Variants in DLGAP2 observed in about 807,000 individuals in gnomAD.
The protein encoded by DLGAP2 is disks large-associated protein 2.
Under a neutral mutation model 100.3 loss-of-function variants are expected in DLGAP2, and 26 were observed. The observed-to-expected ratio is 0.26, with a 90% CI of 0.19 to 0.36. The LOEUF is 0.36. Ranked by LOEUF, DLGAP2 falls within the 10% of genes least tolerant of loss-of-function variation. The pLI is 1.00. For missense variants in DLGAP2, 1,858 were observed against 1,453.2 expected, an observed-to-expected ratio of 1.28 and a Z score of -4.53; for synonymous variants, 886 against 630.1, an observed-to-expected ratio of 1.41 and a Z score of -6.08.
chr8:999,058 CTGTGCCTA>C (rs1800866883), intron 2 of DLGAP2, among the ~76,000 whole-genome samples: 1 of 152,192 alleles, frequency 6.6e-6, no homozygotes, highest in Non-Finnish European at 1.5e-5. Flanking sequence ...TTCCTCCATG[CTGTGCCTA>C]TGTGATTGAT....
intron 2 of DLGAP2, among the ~76,000 whole-genome samples, chr8:997,272 A>G (rs1011913707): frequency 6.6e-6 from 1 of 152,260 alleles, no homozygotes; most frequent in Non-Finnish European, 1.5e-5. Flanking sequence ...GAATTAAAAT[A>G]TTGAAATTAA....
intron 2 of DLGAP2, among the ~76,000 whole-genome samples, chr8:1,193,944 T>C (rs1163091072): frequency 2.0e-5 from 3 of 152,110 alleles, no homozygotes; most frequent in Non-Finnish European, 4.4e-5. Context: ...CTCAGTAATT[T>C]AAGGTCTTTG....
chr8:860,091 A>T (rs1797360838), intron 1 of DLGAP2, among the ~76,000 whole-genome samples: 1 of 152,236 alleles, frequency 6.6e-6, no homozygotes, highest in African/African-American at 2.4e-5. Context: ...AATTAAAGAA[A>T]TAAGAAGGAT....
At chr8:994,752 G>A (rs913856028) in intron 2 of DLGAP2, among the ~76,000 whole-genome samples, 3 of 152,170 alleles carry the variant, frequency 2.0e-5, no homozygotes, top group Non-Finnish European at 4.4e-5. Flanking sequence ...AATAGTTACA[G>A]GTCAGACCTG....
chr8:1,504,854 T>C (rs1478821062), intron 4 of DLGAP2, among the ~76,000 whole-genome samples: 1 of 152,202 alleles, frequency 6.6e-6, no homozygotes, highest in Admixed American at 6.5e-5. Context: ...AGATACCCCT[T>C]CCACACATCC....
At chr8:1,682,290 A>G (rs904521045) in intron 12 of DLGAP2, among the ~76,000 whole-genome samples, 3 of 152,200 alleles carry the variant, frequency 2.0e-5, no homozygotes, top group South Asian at 4.1e-4. Context: ...TCTCAAACCA[A>G]GAATGAAAGT....
intron 3 of DLGAP2, among the ~76,000 whole-genome samples, chr8:1,487,261 C>T (rs931639065): frequency 6.6e-6 from 1 of 152,046 alleles, no homozygotes; most frequent in South Asian, 2.1e-4. Context: ...TATTAATACC[C>T]AGAGTGGAAT....
At position 1,624,239 on chromosome 8, in the gene DLGAP2, C is replaced by T. The variant is rs529474437; in HGVS notation, c.1443-2501C>T. 5.9e-4 allele frequency among the ~76,000 whole-genome samples: 90 copies of T among 152,128 alleles called. 1 individual carries two copies. Among genetic ancestry groups the T allele is most frequent in the African/African-American group, 2.0e-3 (82 of 41,482 alleles). On this transcript the variant is annotated intron_variant, in intron 6 of 14. Coordinates refer to ENST00000637795, the MANE Select transcript of DLGAP2 (RefSeq NM_001346810.2). Reference sequence around the variant, plus strand: ...AAAATTGGTAATTGGTAGAAAGTGCCGATTGGTAGAAATGGAGGGTATGAA... The same window carrying T: ...AAAATTGGTAATTGGTAGAAAGTGCTGATTGGTAGAAATGGAGGGTATGAA...
chr8:811,892 T>A (rs7011512), intron 1 of DLGAP2, among the ~76,000 whole-genome samples: 33,170 of 152,264 alleles, frequency 0.22, 4,155 homozygotes, highest in African/African-American at 0.35. Flanking sequence ...TTTGCCTTCC[T>A]GGGAGCCAGT....
At chr8:980,871 G>A (rs891551000) in intron 2 of DLGAP2, among the ~76,000 whole-genome samples, 6 of 152,126 alleles carry the variant, frequency 3.9e-5, no homozygotes, top group Non-Finnish European at 7.4e-5. Context: ...ACACAGGAAC[G>A]CCTGGAATTC....
chr8:798,366 G>T (rs564436366), intron 1 of DLGAP2, among the ~76,000 whole-genome samples: 1 of 148,040 alleles, frequency 6.8e-6, no homozygotes, highest in African/African-American at 2.5e-5. Flanking sequence ...CTGCAGCCCC[G>T]TGCCCCGGTG....
Position 1,430,428 on chromosome 8 carries a change from G to T in DLGAP2, c.107-70938G>T, listed in dbSNP as rs75386919. ...GTCATGCTGATGTTTCTTCAAGGTC[G>T]GTTTGATCAAATCACATTAGGCAAA... On this transcript the variant is annotated intron_variant, in intron 3 of 14. Coordinates refer to ENST00000637795, the MANE Select transcript of DLGAP2 (RefSeq NM_001346810.2). 5.7e-3 allele frequency among the ~76,000 whole-genome samples: 861 copies of T among 152,188 alleles called. 5 individuals are homozygous for T. The highest frequency in any genetic ancestry group is 9.7e-3 in the Non-Finnish European group (660 of 68,024).
chr8:1,178,354 G>T (rs891671505), intron 2 of DLGAP2, among the ~76,000 whole-genome samples: 2 of 152,138 alleles, frequency 1.3e-5, no homozygotes, highest in African/African-American at 4.8e-5. Flanking sequence ...TTGCGGAGGG[G>T]CGGCAGCAGT....
intron 1 of DLGAP2, among the ~76,000 whole-genome samples, chr8:808,066 AT>A (rs1386341351): frequency 2.0e-5 from 3 of 151,890 alleles, no homozygotes; most frequent in African/African-American, 7.3e-5. Context: ...GATTTGGATA[AT>A]TTTACGCTCA....
At chr8:1,048,826 G>A (rs905006585) in intron 2 of DLGAP2, among the ~76,000 whole-genome samples, 6 of 151,950 alleles carry the variant, frequency 3.9e-5, no homozygotes, top group South Asian at 2.1e-4. Context: ...ATGAGTAGCC[G>A]GGATTGCATA....
intron 2 of DLGAP2, among the ~76,000 whole-genome samples, chr8:1,149,455 C>T (rs1223501946): frequency 6.6e-6 from 1 of 152,122 alleles, no homozygotes; most frequent in African/African-American, 2.4e-5. Context: ...CCTGAAATTA[C>T]CCTCTTTATC....
chr8:799,964 C>T (rs905584521), intron 1 of DLGAP2, among the ~76,000 whole-genome samples: 2 of 152,160 alleles, frequency 1.3e-5, no homozygotes, highest in South Asian at 4.2e-4. Flanking sequence ...TGATTGGATT[C>T]GCATTTCTAG....
At chr8:858,745 C>T (rs1563066975) in intron 1 of DLGAP2, among the ~76,000 whole-genome samples, 1 of 151,942 alleles carries the variant, frequency 6.6e-6, no homozygotes, top group Non-Finnish European at 1.5e-5. Flanking sequence ...ATGTATGATG[C>T]TGTCACCGTG....
intron 2 of DLGAP2, among the ~76,000 whole-genome samples, chr8:1,073,886 C>G (rs1803509308): frequency 6.6e-6 from 1 of 152,204 alleles, no homozygotes. Flanking sequence ...TACCTTCAGA[C>G]TGAGACTGAA....
Sources: allele counts gnomAD v4.1 joint callset (sites outside exome capture counted in the v4.1 genomes callset), GRCh38; gene constraint gnomAD v4.1.1; transcripts MANE v1.5; gene names NCBI Gene and HGNC (gene_info 2026-07-23, HGNC 2026-07-21).